FRMPD3: variants seen among roughly 807,000 people sequenced by gnomAD.
The protein encoded by FRMPD3 is FERM and PDZ domain containing 3.
In FRMPD3, 42 loss-of-function variants were observed where a neutral mutation model predicts 97.9. That is an observed-to-expected ratio of 0.43 (90% CI 0.34 to 0.55). The LOEUF is 0.55. FRMPD3 is among the 20% of genes least tolerant of loss of function. FRMPD3 has a pLI of 0.03. For missense variants in FRMPD3, 1,303 were observed against 1,457.7 expected (o/e 0.89, Z 1.73); for synonymous variants, 577 against 581.1 (o/e 0.99, Z 0.10).
At position 107,576,686 on chromosome X, in the gene FRMPD3, T is replaced by C. The variant is rs185200260; in HGVS notation, c.1441+227T>C. On this transcript the variant is annotated intron_variant, in intron 13 of 14. Transcript: ENST00000683843. ...AAGGATACCTGTGACAACATTGTGA[T>C]TGAGTCAGCCAATGAATGTATTATT... Among the ~76,000 whole-genome samples, 8 of 112,384 alleles carry C rather than the reference T, an allele frequency of 7.1e-5. No homozygotes were observed. The East Asian group carries it at 2.2e-3, about 31-fold the overall frequency.
intron 1 of FRMPD3, among the ~76,000 whole-genome samples, chrX:107,517,850 G>T: frequency 1.1e-5 from 1 of 92,328 alleles, no homozygotes; most frequent in East Asian, 3.9e-4. Flanking sequence ...GGGAGGGAGG[G>T]AGGGAGGGAG....
At chrX:107,495,140 G>C (rs1921743044) in intron 1 of FRMPD3, among the ~76,000 whole-genome samples, 3 of 111,678 alleles carry the variant, frequency 2.7e-5, no homozygotes, top group Non-Finnish European at 5.6e-5. Flanking sequence ...ACAGTCCTTG[G>C]TCTCCCCAGG....
chrX:107,591,940 A>AT (rs1301923616), intron 13 of FRMPD3, among the ~76,000 whole-genome samples: 2 of 111,126 alleles, frequency 1.8e-5, no homozygotes, highest in Admixed American at 9.7e-5. Context: ...ATTTTATTTT[A>AT]TTTTTATTTC....
intron 1 of FRMPD3, among the ~76,000 whole-genome samples, chrX:107,477,021 G>A (rs1193877179): frequency 1.8e-5 from 2 of 112,282 alleles, no homozygotes; most frequent in Non-Finnish European, 3.8e-5. Flanking sequence ...AGGATTCCAA[G>A]CCTAGGTGAC....
At chrX:107,460,937 A>G (rs758321222) in intron 1 of FRMPD3, among the ~76,000 whole-genome samples, 3 of 111,548 alleles carry the variant, frequency 2.7e-5, no homozygotes, top group Non-Finnish European at 5.6e-5. Context: ...TCTTTCTAAT[A>G]TGTAGAGAAA....
At chrX:107,485,361 G>A (rs1921478768) in intron 1 of FRMPD3, among the ~76,000 whole-genome samples, 1 of 112,335 alleles carries the variant, frequency 8.9e-6, no homozygotes, top group Admixed American at 9.4e-5. Flanking sequence ...GGTGGCTCTG[G>A]GGAAAAGATT....
intron 1 of FRMPD3, among the ~76,000 whole-genome samples, chrX:107,480,798 C>T (rs1271074060): frequency 3.1e-5 from 3 of 95,690 alleles, no homozygotes; most frequent in African/African-American, 7.8e-5. Flanking sequence ...CACTAAACTC[C>T]AGCCTAGGCG....
At chrX:107,589,621 G>A (rs1569428160) in intron 13 of FRMPD3, among the ~76,000 whole-genome samples, 1 of 111,677 alleles carries the variant, frequency 9.0e-6, no homozygotes, top group Non-Finnish European at 1.9e-5. Flanking sequence ...TCTTTTCCAT[G>A]GGAAACTTGA....
chrX:107,600,201 G>A, intron 14 of FRMPD3, 102 bp from the exon 15 acceptor site: 2 of 1,048,536 alleles, frequency 1.9e-6, no homozygotes, highest in Non-Finnish European at 2.5e-6. Context: ...ATCTTCAGGA[G>A]TCCTAGAGCC....
intron 1 of FRMPD3, among the ~76,000 whole-genome samples, chrX:107,520,714 T>G (rs186142583): frequency 1.8e-5 from 2 of 111,899 alleles, no homozygotes; most frequent in African/African-American, 6.5e-5. Flanking sequence ...GCACAAATTG[T>G]GGAAGATGAT....
At chrX:107,514,823 G>A (rs1247595323) in intron 1 of FRMPD3, among the ~76,000 whole-genome samples, 1 of 111,389 alleles carries the variant, frequency 9.0e-6, no homozygotes, top group Non-Finnish European at 1.9e-5. Flanking sequence ...ACTGTGCCCG[G>A]TCTTGGATGG....
At chrX:107,518,056 A>G (rs917343024) in intron 1 of FRMPD3, among the ~76,000 whole-genome samples, 9 of 111,330 alleles carry the variant, frequency 8.1e-5, no homozygotes, top group Admixed American at 2.9e-4. Context: ...GAAGGGAATG[A>G]TCATAATGAT....
At chrX:107,515,886 A>T (rs112762525) in intron 1 of FRMPD3, among the ~76,000 whole-genome samples, 13,543 of 111,100 alleles carry the variant, frequency 0.12, 1,822 homozygotes, top group African/African-American at 0.4. Flanking sequence ...CCATTTTTTT[A>T]AATTATACTT....
chrX:107,526,279 T>C (rs749443468), intron 1 of FRMPD3, among the ~76,000 whole-genome samples: 94 of 111,274 alleles, frequency 8.4e-4, no homozygotes, highest in Non-Finnish European at 1.6e-3. Flanking sequence ...AATATTTGCA[T>C]TGGGTTCCTT....
intron 1 of FRMPD3, among the ~76,000 whole-genome samples, chrX:107,522,090 G>A (rs1922526035): frequency 9.0e-6 from 1 of 111,597 alleles, no homozygotes. Context: ...TTGTCTCGTA[G>A]TTGGGTCAGG....
intron 1 of FRMPD3, among the ~76,000 whole-genome samples, chrX:107,525,874 G>A (rs1922672326): frequency 9.0e-6 from 1 of 111,115 alleles, no homozygotes; most frequent in African/African-American, 3.3e-5. Context: ...CCAGGAGTTC[G>A]AGACCAGCCT....
At chrX:107,496,773 C>A (rs965744593) in intron 1 of FRMPD3, among the ~76,000 whole-genome samples, 1 of 111,686 alleles carries the variant, frequency 9.0e-6, no homozygotes, top group African/African-American at 3.3e-5. Context: ...GAAGACTCAA[C>A]AAAGCTGTTC....
intron 1 of FRMPD3, chrX:107,522,478 A>G (rs1180915688): frequency 1.8e-6 from 1 of 551,396 alleles, no homozygotes; most frequent in South Asian, 2.3e-5. Flanking sequence ...CAGAGGGTCC[A>G]GGACCGTGAG....
intron 1 of FRMPD3, among the ~76,000 whole-genome samples, chrX:107,471,453 C>T (rs1015831695): frequency 2.7e-5 from 3 of 110,767 alleles, no homozygotes; most frequent in Middle Eastern, 4.2e-3. Context: ...AGTTCCCACC[C>T]GCCATCCCCC....
Sources: gnomAD v4.1 joint callset for allele counts (sites outside exome capture counted in the v4.1 genomes callset) on GRCh38, gnomAD v4.1.1 for gene constraint, MANE v1.5 for transcripts, NCBI Gene and HGNC (gene_info 2026-07-23, HGNC 2026-07-21) for gene names.